CTNNA2: variants seen among roughly 807,000 people sequenced by gnomAD.
CTNNA2 encodes catenin alpha-2.
A neutral mutation model predicts 101.0 loss-of-function variants in CTNNA2; 42 were observed. The ratio of observed to expected loss-of-function variants is 0.42; its 90% CI spans 0.32 to 0.54. The LOEUF is 0.54. Among genes scored for constraint, CTNNA2 ranks in the 20% least tolerant of loss-of-function variants. CTNNA2 has a pLI of 0.14. For missense variants in CTNNA2, 871 were observed against 1,223.1 expected, an observed-to-expected ratio of 0.71 and a Z score of 4.29; for synonymous variants, 450 against 456.4, an observed-to-expected ratio of 0.99 and a Z score of 0.18.
At chr2:80,354,930 T>G (rs553821817) in intron 7 of CTNNA2, among the ~76,000 whole-genome samples, 46 of 152,064 alleles carry the variant, frequency 3.0e-4, no homozygotes, top group African/African-American at 6.0e-4. Context: ...GAAGTGTGGG[T>G]GTTTCTTTCA....
At chr2:79,642,697 T>C (rs964115571) in intron 1 of CTNNA2, among the ~76,000 whole-genome samples, 20 of 152,032 alleles carry the variant, frequency 1.3e-4, no homozygotes, top group African/African-American at 4.8e-4. Context: ...GGTGTTGTCA[T>C]GGCAGAGTGT....
chr2:79,499,163 T>G (rs1671290875), intron 4 of CTNNA2: 1 of 152,226 alleles, frequency 6.6e-6, no homozygotes. Flanking sequence ...GAGGAAGGTA[T>G]CCTTTTCACT....
chr2:80,306,139 C>T (rs1049262585), intron 7 of CTNNA2, among the ~76,000 whole-genome samples: 1 of 152,072 alleles, frequency 6.6e-6, no homozygotes, highest in African/African-American at 2.4e-5. Context: ...TGAATCATTC[C>T]ATTTTGTATT....
intron 6 of CTNNA2, among the ~76,000 whole-genome samples, chr2:79,877,305 T>C (rs1343694720): frequency 6.6e-6 from 1 of 152,156 alleles, no homozygotes; most frequent in African/African-American, 2.4e-5. Flanking sequence ...ATTTAACAAA[T>C]GCAATTTAAT....
chr2:79,836,339 T>C (rs1679363808), intron 3 of CTNNA2, among the ~76,000 whole-genome samples: 1 of 152,212 alleles, frequency 6.6e-6, no homozygotes, highest in African/African-American at 2.4e-5. Flanking sequence ...TAGCATTTTC[T>C]CAAAGTCTTG....
intron 3 of CTNNA2, among the ~76,000 whole-genome samples, chr2:79,814,817 T>C (rs2105353486): frequency 6.6e-6 from 1 of 152,290 alleles, no homozygotes; most frequent in Non-Finnish European, 1.5e-5. Flanking sequence ...CTGGATCAAA[T>C]GGTAGTACTT....
chr2:79,316,757 T>A (rs1028697007), intron 3 of CTNNA2, among the ~76,000 whole-genome samples: 16 of 151,994 alleles, frequency 1.1e-4, no homozygotes, highest in Non-Finnish European at 2.9e-5. Flanking sequence ...TATTTGTATA[T>A]CCTGTAAACT....
intron 3 of CTNNA2, among the ~76,000 whole-genome samples, chr2:79,333,069 A>G (rs1573087958): frequency 1.3e-5 from 2 of 152,242 alleles, no homozygotes; most frequent in East Asian, 3.8e-4. Context: ...TTTGAAAGAA[A>G]CGCAACAGAC....
intron 7 of CTNNA2, among the ~76,000 whole-genome samples, chr2:80,082,255 T>G (rs1043435028): frequency 3.3e-5 from 5 of 152,166 alleles, no homozygotes; most frequent in Non-Finnish European, 7.4e-5. Flanking sequence ...TTCGTTTATT[T>G]TGGTTTCTTG....
chr2:79,621,394 T>G (rs905824281), intron 1 of CTNNA2, among the ~76,000 whole-genome samples: 17 of 152,100 alleles, frequency 1.1e-4, no homozygotes, highest in Admixed American at 5.2e-4. Context: ...ACCTAGAACA[T>G]CTTGTACTGC....
At chr2:80,496,817 T>C (rs1239137914) in intron 9 of CTNNA2, among the ~76,000 whole-genome samples, 1 of 152,246 alleles carries the variant, frequency 6.6e-6, no homozygotes, top group Admixed American at 6.5e-5. Context: ...TGACTGCTTT[T>C]AAAATTCTCT....
intron 7 of CTNNA2, among the ~76,000 whole-genome samples, chr2:80,058,569 A>G (rs1448169299): frequency 6.6e-6 from 1 of 152,238 alleles, no homozygotes; most frequent in Non-Finnish European, 1.5e-5. Flanking sequence ...AAAATGTGTT[A>G]CTTATAGGCG....
chr2:79,960,885 T>C (rs1689580036), intron 7 of CTNNA2, among the ~76,000 whole-genome samples: 1 of 152,162 alleles, frequency 6.6e-6, no homozygotes, highest in Non-Finnish European at 1.5e-5. Flanking sequence ...CTGCTGTGCA[T>C]TAAAGGACAG....
chr2:80,588,226 C>G (rs113564015), intron 14 of CTNNA2, among the ~76,000 whole-genome samples: 1 of 152,172 alleles, frequency 6.6e-6, no homozygotes, highest in Non-Finnish European at 1.5e-5. Flanking sequence ...GGCACATGCC[C>G]GCCTTCTCGT....
intron 15 of CTNNA2, among the ~76,000 whole-genome samples, chr2:80,590,608 G>T (rs1297201487): frequency 6.6e-6 from 1 of 152,070 alleles, no homozygotes; most frequent in Non-Finnish European, 1.5e-5. Flanking sequence ...TTGATTATAA[G>T]TTATAATTTA....
chr2:79,602,241 T>C (rs1370255303), intron 1 of CTNNA2, among the ~76,000 whole-genome samples: 1 of 152,156 alleles, frequency 6.6e-6, no homozygotes, highest in African/African-American at 2.4e-5. Context: ...GTTTTAGAAA[T>C]GGTTTTTAAC....
chr2:79,850,325 C>G lies in CTNNA2; in HGVS notation c.299-7688C>G, dbSNP rs1293248091. ...CCCCTCCCTTCCTTTCTTCCTTCAT[C>G]CCTCCCTCCCTCCCTCTCTCCCTTC... On this transcript the variant is annotated intron_variant, in intron 3 of 18. Transcript: ENST00000402739. 4.3e-5 allele frequency among the ~76,000 whole-genome samples: 4 copies of G among 93,948 alleles called. No individual in the cohort carries two copies. In the East Asian group the frequency reaches 1.6e-3, roughly 37 times the overall value. 61.6% of individuals were successfully genotyped at this position (93,948 alleles called of 152,430 possible).
At chr2:79,459,318 G>A (rs545638981) in intron 4 of CTNNA2, among the ~76,000 whole-genome samples, 9 of 151,734 alleles carry the variant, frequency 5.9e-5, no homozygotes, top group Non-Finnish European at 1.2e-4. Flanking sequence ...ACATTATTAC[G>A]AACATACAGA....
chr2:80,233,229 A>T (rs978567086), intron 7 of CTNNA2, among the ~76,000 whole-genome samples: 1 of 152,138 alleles, frequency 6.6e-6, no homozygotes, highest in Non-Finnish European at 1.5e-5. Context: ...TGTTGCAAAA[A>T]TTGTGAATTA....
Sources: allele counts gnomAD v4.1 joint callset (sites outside exome capture counted in the v4.1 genomes callset), GRCh38; gene constraint gnomAD v4.1.1; transcripts MANE v1.5; gene names NCBI Gene and HGNC (gene_info 2026-07-23, HGNC 2026-07-21).